BPIFB4: variants seen among roughly 807,000 people sequenced by gnomAD.
The protein encoded by BPIFB4 is BPI fold containing family B member 4.
In BPIFB4, 62 loss-of-function variants were observed where a neutral mutation model predicts 69.2. That is an observed-to-expected ratio of 0.90 (90% CI 0.73 to 1.11). The LOEUF (loss-of-function observed/expected upper bound fraction) is 1.11, where lower values mean the gene tolerates loss of function less well. Ranked by LOEUF, BPIFB4 falls within the 50% of genes least tolerant of loss-of-function variation. The pLI, the probability that BPIFB4 is intolerant of heterozygous loss-of-function variation, is 0.00. For missense variants in BPIFB4, 789 were observed against 792.0 expected, an observed-to-expected ratio of 1.00 and a Z score of 0.04; for synonymous variants, 330 against 332.7, an observed-to-expected ratio of 0.99 and a Z score of 0.09.
intron 3 of BPIFB4, among the ~76,000 whole-genome samples, chr20:33,082,314 C>T (rs932226015): frequency 2.0e-5 from 3 of 147,930 alleles, no homozygotes; most frequent in Non-Finnish European, 3.0e-5. Flanking sequence ...TGCGATAATA[C>T]ATAAGAAAGT....
At chr20:33,088,027 C>T (rs866329455) in intron 7 of BPIFB4, among the ~76,000 whole-genome samples, 4 of 152,116 alleles carry the variant, frequency 2.6e-5, no homozygotes, top group Non-Finnish European at 5.9e-5. Context: ...TCAAGAGGTC[C>T]GGCGGTCAGA....
At position 33,092,496 on chromosome 20, in the gene BPIFB4, C is replaced by G. The variant is rs756150390; in HGVS notation, c.1182C>G (p.Tyr394Ter). The G allele has an allele frequency of 6.2e-7, 1 of 1,614,100 alleles. No individual in the cohort carries two copies. Among genetic ancestry groups the G allele is most frequent in the Non-Finnish European group, 8.5e-7 (1 of 1,180,014 alleles). The change falls in exon 11 of 18, where the codon TAC becomes TAG. Residue 394 changes from tyrosine to a stop codon, truncating the protein, a stop_gained. Coordinates refer to ENST00000375483, the MANE Select transcript of BPIFB4 (RefSeq NM_182519.3). LOFTEE classifies it high-confidence loss of function. ...AGGCTGGAGGAGGACTCATCGACTA[C>G]CCATTGGGGTGGCCAGCTGTGTCTC... ...VGEAGGGLID[Y>*]PLGWPAVSPK...
At chr20:33,093,789 A>C (rs1320666591) in intron 11 of BPIFB4, among the ~76,000 whole-genome samples, 1 of 151,622 alleles carries the variant, frequency 6.6e-6, no homozygotes, top group Non-Finnish European at 1.5e-5. Context: ...CCATCCACCC[A>C]CCCATCCACC....
chr20:33,099,889 A>G (rs1981859158), intron 13 of BPIFB4, among the ~76,000 whole-genome samples: 1 of 151,734 alleles, frequency 6.6e-6, no homozygotes, highest in African/African-American at 2.4e-5. Context: ...GAGGCAGGGA[A>G]GGAAAAAGGG....
chr20:33,088,252 G>A (rs1981492214), intron 7 of BPIFB4, among the ~76,000 whole-genome samples: 1 of 151,536 alleles, frequency 6.6e-6, no homozygotes, highest in Non-Finnish European at 1.5e-5. Context: ...GAGGCAGGAG[G>A]ATTTCTTGAG....
rs532892086 is a variant in BPIFB4, at chr20:33,083,923, T to A, written c.677+49T>A. The A allele has an allele frequency of 1.9e-5, 29 of 1,537,482 alleles. No homozygotes were observed. In the African/African-American group the frequency reaches 3.6e-4, roughly 19 times the overall value. On this transcript the variant is annotated intron_variant, in intron 5 of 17. Coordinates refer to ENST00000375483, the MANE Select transcript of BPIFB4 (RefSeq NM_182519.3). ...CAGAAAGCCCCCATACACCTCCAAATGGGGGTGATCACTCCCTGAAGCTGG... is the reference window on the plus strand; with the variant it reads ...CAGAAAGCCCCCATACACCTCCAAAAGGGGGTGATCACTCCCTGAAGCTGG...
At chr20:33,089,603 C>T (rs1167630216) in intron 9 of BPIFB4, 45 bp downstream of exon 9, 17 of 1,613,682 alleles carry the variant, frequency 1.1e-5, no homozygotes, top group Non-Finnish European at 1.4e-5. Context: ...GCACTGAGGA[C>T]CGGGCCCTTT....
At chr20:33,102,265 G>A (rs913979512) in intron 14 of BPIFB4, among the ~76,000 whole-genome samples, 54 of 152,370 alleles carry the variant, frequency 3.5e-4, no homozygotes, top group African/African-American at 1.3e-3. Flanking sequence ...TTCCTTAGAA[G>A]GTACCTTTAT....
chr20:33,101,513 A>G (rs1400575070), intron 14 of BPIFB4, among the ~76,000 whole-genome samples: 1 of 152,202 alleles, frequency 6.6e-6, no homozygotes. Flanking sequence ...TCCGTGTGCC[A>G]GGTATTTGGC....
rs182552709 is a variant in BPIFB4 at position 33,082,436 on chromosome 20, C to T, written c.107-502C>T. On this transcript the variant is annotated intron_variant, in intron 3 of 17. Transcript: ENST00000375483. ...GCAACCTCCTCCTCCCCGTTTCAAGCGATTCTCCTGCCTCAGCCTCCTGAG... is the reference window on the plus strand; with the variant it reads ...GCAACCTCCTCCTCCCCGTTTCAAGTGATTCTCCTGCCTCAGCCTCCTGAG... Among the ~76,000 whole-genome samples, 39 of 152,252 alleles carry T rather than the reference C, an allele frequency of 2.6e-4. No individual in the cohort carries two copies. The East Asian group carries it at 7.3e-3, about 29-fold the overall frequency.
Position 33,083,123 on chromosome 20 carries a change from G to A in BPIFB4, c.169+123G>A, listed in dbSNP as rs372163908. 46 of 934,862 alleles carry A rather than the reference G, an allele frequency of 4.9e-5. No individual in the cohort carries two copies. The Middle Eastern group carries it at 2.2e-3, about 45-fold the overall frequency. The allele number at this position is 934,862 out of a possible 1,614,324, so 57.9% of individuals were successfully genotyped here. ...GCTTGGTGGTGGGGGTGGAGGGGGT[G>A]GCAGTGATCTGTTGGGTGGAGGCTT... On this transcript the variant is annotated intron_variant, in intron 4 of 17. Transcript: ENST00000375483.
At chr20:33,092,131 C>T (rs534365386) in intron 10 of BPIFB4, among the ~76,000 whole-genome samples, 12 of 152,156 alleles carry the variant, frequency 7.9e-5, no homozygotes, top group Admixed American at 2.6e-4. Context: ...CCTTGTAGAC[C>T]GTGGAGAGGA....
chr20:33,084,854 G>T, intron 5 of BPIFB4, 38 bp from the exon 6 acceptor site: 1 of 1,593,926 alleles, frequency 6.3e-7, no homozygotes, highest in Middle Eastern at 1.7e-4. Context: ...GTGGTAGTTG[G>T]GGTGGCCGGC....
chr20:33,099,777 C>T (rs1981855816), intron 13 of BPIFB4, among the ~76,000 whole-genome samples: 1 of 152,202 alleles, frequency 6.6e-6, no homozygotes, highest in African/African-American at 2.4e-5. Context: ...TTCATCAGGC[C>T]AGTCATCGTG....
intron 3 of BPIFB4, among the ~76,000 whole-genome samples, chr20:33,082,371 T>C (rs1484101332): frequency 6.6e-6 from 1 of 152,170 alleles, no homozygotes; most frequent in Non-Finnish European, 1.5e-5. Context: ...TTCGCTCTTG[T>C]TGCCCAGGCT....
At chr20:33,085,941 C>A in intron 6 of BPIFB4, 80 bp from the exon 7 acceptor site, 2 of 1,496,258 alleles carry the variant, frequency 1.3e-6, no homozygotes, top group Non-Finnish European at 1.8e-6. Context: ...GCAGGGACAG[C>A]AAGGACAGGC....
rs754220866 is a variant in BPIFB4, at chr20:33,102,987, C to G, written c.1653C>G (p.Leu551=). 5 of 1,614,158 alleles carry G rather than the reference C, an allele frequency of 3.1e-6. No individual in the cohort carries two copies. In the Admixed American group the frequency reaches 8.3e-5, roughly 27 times the overall value. ...TCGTCTACAGGACCAGCCTCAACCT[C>G]AGAACCTCAAACGTGGGCAACTTTG... ...DAKLEKTSLN[L]RTSNVGNFDI... is the part of the protein sequence containing the mutation. The change falls in exon 15 of 18, where the codon CTC becomes CTG. Residue 551 remains leucine (L), a synonymous_variant. Transcript: ENST00000375483.
chr20:33,110,006 C>CT (rs755498043), intron 17 of BPIFB4, among the ~76,000 whole-genome samples: 16 of 152,198 alleles, frequency 1.1e-4, no homozygotes, highest in East Asian at 1.9e-4. Flanking sequence ...GAATACCCTT[C>CT]TCCCAGCTCC....
chr20:33,083,792 G>C lies in BPIFB4; in HGVS notation c.595G>C (p.Asp199His). 6.2e-7 allele frequency: 1 copy of C among 1,613,754 alleles called. No individual in the cohort carries two copies. The highest frequency in any genetic ancestry group is 8.5e-7 in the Non-Finnish European group (1 of 1,179,762). The change falls in exon 5 of 18, where the codon GAT (aspartate) becomes CAT (histidine). Residue 199 changes from aspartate to histidine, a missense_variant. This residue lies in a region of BPIFB4 where 611 missense variants were observed against 575.4 expected (regional missense o/e 1.06). Coordinates refer to ENST00000375483, the MANE Select transcript of BPIFB4 (RefSeq NM_182519.3). ...GLLGGGGLLG[D>H]GGLLGGGGVL... ...GCTCGGCGGAGGTGGTCTCCTTGGT[G>C]ATGGAGGACTTCTTGGAGGAGGGGG...
Sources: gnomAD v4.1 joint callset for allele counts (sites outside exome capture counted in the v4.1 genomes callset) on GRCh38, gnomAD v4.1.1 for gene constraint, gnomAD v4.1.1 regional missense constraint, MANE v1.5 for transcripts, NCBI Gene and HGNC (gene_info 2026-07-23, HGNC 2026-07-21) for gene names.